SOS2: variants seen among roughly 807,000 people sequenced by gnomAD.
The protein encoded by SOS2 is SOS Ras/Rho guanine nucleotide exchange factor 2.
SOS2 carries 65 observed loss-of-function variants against 148.2 expected under a neutral mutation model. The observed-to-expected ratio is 0.44, with a 90% CI of 0.36 to 0.54. The LOEUF is 0.54. Ranked by LOEUF, SOS2 falls within the 20% of genes least tolerant of loss-of-function variation. SOS2 has a pLI of 0.00. For synonymous variants in SOS2, 539 were observed against 537.1 expected, an observed-to-expected ratio of 1.00 and a Z score of -0.05; for missense variants, 1,341 against 1,590.2, an observed-to-expected ratio of 0.84 and a Z score of 2.67.
chr14:50,157,251 T>C (rs1450798417), intron 11 of SOS2, 130 bp from the exon 12 acceptor site: 9 of 958,270 alleles, frequency 9.4e-6, no homozygotes, highest in South Asian at 7.6e-5. Context: ...CCTTGAGGTA[T>C]GATATACTAC....
intron 1 of SOS2, among the ~76,000 whole-genome samples, chr14:50,212,357 C>T (rs953603123): frequency 6.6e-6 from 1 of 152,202 alleles, no homozygotes; most frequent in Non-Finnish European, 1.5e-5. Flanking sequence ...ACCTGTAGTC[C>T]CAGCTACTCG....
upstream of SOS2, among the ~76,000 whole-genome samples, chr14:50,231,742 A>T (rs1302949961): frequency 6.6e-6 from 1 of 151,734 alleles, no homozygotes; most frequent in Non-Finnish European, 1.5e-5. Flanking sequence ...CCCAGCCGAC[A>T]GCGCCGCCCG....
chr14:50,191,657 G>T (rs764430668), intron 4 of SOS2, among the ~76,000 whole-genome samples: 1 of 152,080 alleles, frequency 6.6e-6, no homozygotes, highest in Non-Finnish European at 1.5e-5. Flanking sequence ...TGCTACAGGG[G>T]TCAGGCAAGT....
chr14:50,121,559 G>A (rs140904582), intron 21 of SOS2, among the ~76,000 whole-genome samples: 1,500 of 133,900 alleles, frequency 0.011, 40 homozygotes, highest in Non-Finnish European at 0.015. Flanking sequence ...GACTCAGGGG[G>A]AAATAGCTGA....
chr14:50,159,867 A>G lies in SOS2; in HGVS notation c.1416T>C (p.Asn472=). The G allele has an allele frequency of 6.2e-7, 1 of 1,614,154 alleles. No individual in the cohort carries two copies. Among genetic ancestry groups the G allele is most frequent in the Non-Finnish European group, 8.5e-7 (1 of 1,180,022 alleles). The change falls in exon 10 of 23, where the codon AAT becomes AAC. Residue 472 remains asparagine, a synonymous_variant. Transcript: ENST00000216373. ...FDGLMISCKP[N]HGQTRLPGYS... The stretch of plus-strand genomic sequence containing the variant: ...AACCTGGAAGCCGAGTCTGGCCATG[A>G]TTAGGTTTACAACTGATCATTAAGC...
intron 7 of SOS2, among the ~76,000 whole-genome samples, chr14:50,177,226 A>G (rs1214156049): frequency 4.6e-5 from 7 of 152,162 alleles, no homozygotes; most frequent in Admixed American, 4.6e-4. Flanking sequence ...AGGCTAAGGC[A>G]GGAGAATCGC....
intron 13 of SOS2, among the ~76,000 whole-genome samples, chr14:50,150,871 C>A (rs553357820): frequency 6.6e-6 from 1 of 152,096 alleles, no homozygotes; most frequent in South Asian, 2.1e-4. Flanking sequence ...TATAGGTGCA[C>A]ACTACCATGC....
chr14:50,189,448 T>A (rs992861494), intron 4 of SOS2, among the ~76,000 whole-genome samples: 5 of 151,670 alleles, frequency 3.3e-5, no homozygotes, highest in Admixed American at 6.6e-5. Context: ...GAAAGTCACA[T>A]TCCTTATGAG....
chr14:50,184,074 G>C (rs1402031040), intron 5 of SOS2, among the ~76,000 whole-genome samples: 1 of 152,184 alleles, frequency 6.6e-6, no homozygotes. Flanking sequence ...TATCTATATA[G>C]AGAAAAGGTA....
At chr14:50,172,748 T>C (rs2139673632) in intron 8 of SOS2, among the ~76,000 whole-genome samples, 1 of 152,292 alleles carries the variant, frequency 6.6e-6, no homozygotes, top group Non-Finnish European at 1.5e-5. Flanking sequence ...CAAGCATGAG[T>C]ACTCATCAGT....
chr14:50,169,544 G>T, intron 8 of SOS2, among the ~76,000 whole-genome samples: 1 of 151,794 alleles, frequency 6.6e-6, no homozygotes, highest in East Asian at 1.9e-4. Flanking sequence ...GGAGGCTGAG[G>T]CAGGAGAATC....
In SOS2 at chr14:50,219,417, A is replaced by G. The variant is rs79779132; in HGVS notation, c.87+11780T>C. ...TAATCATGCTGAAAGCCAGATTGAA[A>G]AAAAAGAGTATGTACTGTATGATTC... On this transcript the variant is annotated intron_variant, in intron 1 of 22. Coordinates refer to ENST00000216373, the MANE Select transcript of SOS2 (RefSeq NM_006939.4). Among the ~76,000 whole-genome samples the G allele has an allele frequency of 4.0e-3, 608 of 152,346 alleles. 26 individuals carry two copies. In the East Asian group the frequency reaches 0.11, roughly 27 times the overall value.
chr14:50,146,052 G>C (rs951968158), intron 14 of SOS2, among the ~76,000 whole-genome samples: 1 of 150,358 alleles, frequency 6.7e-6, no homozygotes, highest in African/African-American at 2.5e-5. Flanking sequence ...AGAATCGCTT[G>C]AACCCGGGAG....
chr14:50,138,537 C>G, intron 18 of SOS2, 75 bp downstream of exon 18: 1 of 657,360 alleles, frequency 1.5e-6, no homozygotes, highest in Non-Finnish European at 2.5e-6. Context: ...AATAGTATGT[C>G]TTATTCATTC....
In SOS2 at chr14:50,130,630, G is replaced by T. The variant is rs760192938; in HGVS notation, c.3208C>A (p.Arg1070=). Residue 1070 remains arginine, a synonymous_variant, in exon 20 of 23, where the codon CGG becomes AGG. Coordinates refer to ENST00000216373, the MANE Select transcript of SOS2 (RefSeq NM_006939.4). ...EREPCKISFS[R]IAETELESTV... ...GATTCCAGCTCAGTTTCAGCAATCCGACTAAAGCTTATTTTACATGGTTCT... is the reference window on the plus strand; with the variant it reads ...GATTCCAGCTCAGTTTCAGCAATCCTACTAAAGCTTATTTTACATGGTTCT... The T allele has an allele frequency of 6.2e-7, 1 of 1,614,138 alleles. No homozygotes were observed. The highest frequency in any genetic ancestry group is 1.1e-5 in the South Asian group (1 of 91,078).
At chr14:50,202,672 C>T (rs1028764246) in intron 2 of SOS2, among the ~76,000 whole-genome samples, 4 of 152,052 alleles carry the variant, frequency 2.6e-5, no homozygotes, top group East Asian at 1.9e-4. Flanking sequence ...GAGTTCAAGG[C>T]TACAGTGAGC....
In SOS2 at chr14:50,195,773, G is replaced by C. The variant is rs562594257; in HGVS notation, c.510+3918C>G. ...AAGCTGGGTGTGGTGGCTCAAGCCT[G>C]TAATCCCAGCACTTTGGAAGGCCGA... On this transcript the variant is annotated intron_variant, in intron 4 of 22. Coordinates refer to ENST00000216373, the MANE Select transcript of SOS2 (RefSeq NM_006939.4). Among the ~76,000 whole-genome samples, 8 of 152,164 alleles carry C rather than the reference G, an allele frequency of 5.3e-5. No individual in the cohort carries two copies. The East Asian group carries it at 1.5e-3, about 29-fold the overall frequency.
At chr14:50,186,827 T>G (rs535627215) in intron 5 of SOS2, among the ~76,000 whole-genome samples, 8 of 152,308 alleles carry the variant, frequency 5.3e-5, no homozygotes, top group Admixed American at 2.0e-4. Context: ...AGAAAAAAAG[T>G]AATTGCCAAC....
intron 14 of SOS2, 119 bp downstream of exon 14, chr14:50,149,889 G>T: frequency 1.4e-6 from 1 of 727,174 alleles, no homozygotes; most frequent in Non-Finnish European, 2.4e-6. Context: ...TTTCCTCTAA[G>T]CCCATGAGAG....
Sources: allele counts gnomAD v4.1 joint callset (sites outside exome capture counted in the v4.1 genomes callset), GRCh38; gene constraint gnomAD v4.1.1; transcripts MANE v1.5; gene names NCBI Gene and HGNC (gene_info 2026-07-23, HGNC 2026-07-21).